ADAMTS14: variants seen among roughly 807,000 people sequenced by gnomAD.
The protein encoded by ADAMTS14 is A disintegrin and metalloproteinase with thrombospondin motifs 14.
Under a neutral mutation model 128.6 loss-of-function variants are expected in ADAMTS14, and 100 were observed. The ratio of observed to expected loss-of-function variants is 0.78; its 90% CI spans 0.66 to 0.92. The LOEUF is 0.92. Ranked by LOEUF, ADAMTS14 falls within the 40% of genes least tolerant of loss-of-function variation. ADAMTS14 has a pLI of 0.00. For missense variants in ADAMTS14, 1,562 were observed against 1,658.6 expected (o/e 0.94, Z 1.01); for synonymous variants, 665 against 653.8 (o/e 1.02, Z -0.26).
chr10:70,705,680 G>A (rs1222857815), intron 3 of ADAMTS14, among the ~76,000 whole-genome samples: 1 of 152,168 alleles, frequency 6.6e-6, no homozygotes, highest in Non-Finnish European at 1.5e-5. Context: ...AACGTTTCAT[G>A]GAATGAAATC....
At chr10:70,714,836 C>A (rs1840979376) in intron 4 of ADAMTS14, among the ~76,000 whole-genome samples, 1 of 150,900 alleles carries the variant, frequency 6.6e-6, no homozygotes. Context: ...GTTCCAGCTG[C>A]TCGGGAGGCT....
intron 21 of ADAMTS14, 102 bp downstream of exon 21, chr10:70,758,387 C>T: frequency 9.8e-7 from 1 of 1,015,604 alleles, no homozygotes; most frequent in Non-Finnish European, 1.4e-6. Flanking sequence ...TTGTAGCTGT[C>T]TGTGTGACCT....
At chr10:70,742,201 TGTTGCTGCCCAGAGAGCTTCC>T (rs1842021835) in intron 12 of ADAMTS14, among the ~76,000 whole-genome samples, 1 of 152,152 alleles carries the variant, frequency 6.6e-6, no homozygotes, top group African/African-American at 2.4e-5. Flanking sequence ...CCCTTCGCAC[TGTTGCTGCCCAGAGAGCTTCC>T]GTTGCTGCCC....
chr10:70,695,418 C>T (rs1840304158), intron 2 of ADAMTS14, among the ~76,000 whole-genome samples: 1 of 152,046 alleles, frequency 6.6e-6, no homozygotes, highest in Non-Finnish European at 1.5e-5. Context: ...GCCATGGTTC[C>T]AGGGTGTGGG....
chr10:70,675,595 C>G (rs1298254484), intron 2 of ADAMTS14, among the ~76,000 whole-genome samples: 1 of 152,176 alleles, frequency 6.6e-6, no homozygotes, highest in East Asian at 1.9e-4. Flanking sequence ...CCAGAGCCAG[C>G]CTGCTCTTTC....
intron 2 of ADAMTS14, among the ~76,000 whole-genome samples, chr10:70,698,413 G>A (rs1447632879): frequency 6.6e-6 from 1 of 152,208 alleles, no homozygotes; most frequent in African/African-American, 2.4e-5. Flanking sequence ...CTGGTTTCCT[G>A]GCCACGGCAG....
intron 2 of ADAMTS14, among the ~76,000 whole-genome samples, chr10:70,678,683 A>G (rs1312066030): frequency 6.6e-6 from 1 of 152,112 alleles, no homozygotes; most frequent in Non-Finnish European, 1.5e-5. Context: ...GCTCTCTTGA[A>G]GAGGCTGGGC....
rs777252699 is a variant in ADAMTS14, at chr10:70,749,955, C to T, written c.2397C>T (p.Ser799=). The part of the protein sequence containing the change: ...VEDAKESLKT[S]GPLPEAIAIL... ...ATGCCAAGGAAAGCCTCAAGACCAG[C>T]GGGCCCCTGCCTGAAGCCATTGCCA... The change falls in exon 16 of 22, where the codon AGC becomes AGT. Residue 799 remains serine, a synonymous_variant. Coordinates refer to ENST00000373207, the MANE Select transcript of ADAMTS14 (RefSeq NM_080722.4). 15 of 1,614,090 alleles carry T rather than the reference C, an allele frequency of 9.3e-6. No homozygotes were observed. The highest frequency in any genetic ancestry group is 1.3e-5 in the African/African-American group (1 of 75,044).
chr10:70,708,799 G>A, intron 4 of ADAMTS14, 21 bp downstream of exon 4: 1 of 1,505,376 alleles, frequency 6.6e-7, no homozygotes, highest in Non-Finnish European at 9.0e-7. Context: ...ATGTGTCCTA[G>A]GACTTGGGGG....
At chr10:70,717,430 G>A (rs7093021) in intron 4 of ADAMTS14, among the ~76,000 whole-genome samples, 12,579 of 152,182 alleles carry the variant, frequency 0.083, 955 homozygotes, top group East Asian at 0.45. Flanking sequence ...ACCCAAGTGT[G>A]TGGCAACAGG....
intron 2 of ADAMTS14, among the ~76,000 whole-genome samples, chr10:70,684,431 ACT>A (rs1401476502): frequency 6.6e-6 from 1 of 152,158 alleles, no homozygotes; most frequent in Non-Finnish European, 1.5e-5. Flanking sequence ...GGGGAAATGG[ACT>A]CTTCCATTTG....
chr10:70,718,025 A>C (rs1841112878), intron 4 of ADAMTS14, among the ~76,000 whole-genome samples: 1 of 152,218 alleles, frequency 6.6e-6, no homozygotes, highest in Non-Finnish European at 1.5e-5. Context: ...GTTTTGGCGC[A>C]GTTGGCTGTC....
chr10:70,739,835 C>A (rs983227819), intron 11 of ADAMTS14, among the ~76,000 whole-genome samples: 20 of 152,332 alleles, frequency 1.3e-4, no homozygotes, highest in African/African-American at 3.1e-4. Flanking sequence ...CCTATTGAAG[C>A]AGCTGTTCCT....
chr10:70,727,741 G>A (rs911891885), intron 4 of ADAMTS14, among the ~76,000 whole-genome samples: 10 of 147,078 alleles, frequency 6.8e-5, no homozygotes, highest in African/African-American at 2.5e-4. Context: ...CATCCCTGAT[G>A]GCGGCAGTGG....
At chr10:70,719,367 T>TAC (rs61607600) in intron 4 of ADAMTS14, among the ~76,000 whole-genome samples, 2,578 of 142,146 alleles carry the variant, frequency 0.018, 29 homozygotes, top group African/African-American at 0.035. Flanking sequence ...ACTCCACAAA[T>TAC]ACACACACAC....
rs200169031 is a variant in ADAMTS14 at position 70,760,361 on chromosome 10, G to A, written c.3180G>A (p.Thr1060=). The A allele has an allele frequency of 5.3e-5, 83 of 1,558,172 alleles. No individual in the cohort carries two copies. Among genetic ancestry groups the A allele is most frequent in the Admixed American group, 1.5e-4 (8 of 55,052 alleles). ...CTTGTCCTTGTGCTGTGTGTGCAGCGGAGCCCTGCACGGGAGACAGGTCTG... is the reference window on the plus strand; with the variant it reads ...CTTGTCCTTGTGCTGTGTGTGCAGCAGAGCCCTGCACGGGAGACAGGTCTG... The part of the protein sequence containing the change: ...PLHPINKISS[T]EPCTGDRSVF... Residue 1060 remains threonine (T), a splice_region_variant and synonymous_variant, in exon 22 of 22, where the codon ACG becomes ACA. Transcript: ENST00000373207.
Position 70,761,069 on chromosome 10 carries a change from A to C in ADAMTS14, c.*216A>C. The stretch of plus-strand genomic sequence containing the variant: ...AAGCCCTAATCGGAGATACCTCAGC[A>C]AGCTGCCCCCGGCGGGACTGACCCT... On this transcript the variant is annotated 3_prime_UTR_variant, in exon 22 of 22. Coordinates refer to ENST00000373207, the MANE Select transcript of ADAMTS14 (RefSeq NM_080722.4). 1 of 690,256 alleles carries C rather than the reference A, an allele frequency of 1.4e-6. No individual in the cohort carries two copies. Among genetic ancestry groups the C allele is most frequent in the Non-Finnish European group, 2.2e-6 (1 of 454,000 alleles). 42.8% of individuals were successfully genotyped at this position (690,256 alleles called of 1,614,324 possible). A position where few individuals can be genotyped will look rare whatever the true frequency, so the allele number is the denominator to read the frequency against.
intron 2 of ADAMTS14, among the ~76,000 whole-genome samples, chr10:70,687,262 CG>C (rs1839999871): frequency 9.4e-6 from 1 of 106,642 alleles, no homozygotes; most frequent in Non-Finnish European, 2.1e-5. Context: ...CCCTCCCGGA[CG>C]AGGCGGCTGG....
intron 4 of ADAMTS14, among the ~76,000 whole-genome samples, chr10:70,727,372 C>T (rs1209979784): frequency 1.3e-5 from 2 of 152,196 alleles, no homozygotes; most frequent in Non-Finnish European, 2.9e-5. Context: ...GTAGGTTGAT[C>T]ACTTTGCTTT....
Sources: gnomAD v4.1 joint callset for allele counts (sites outside exome capture counted in the v4.1 genomes callset) on GRCh38, gnomAD v4.1.1 for gene constraint, MANE v1.5 for transcripts, NCBI Gene and HGNC (gene_info 2026-07-23, HGNC 2026-07-21) for gene names.